Variants in FHIT observed in about 807,000 individuals in gnomAD.
The protein encoded by FHIT is fragile histidine triad diadenosine triphosphatase.
A neutral mutation model predicts 17.9 loss-of-function variants in FHIT; 19 were observed. The observed-to-expected ratio is 1.06, with a 90% CI of 0.74 to 1.56. The LOEUF (loss-of-function observed/expected upper bound fraction) is 1.56. Ranked by LOEUF, FHIT falls within the 40% of genes most tolerant of loss-of-function variation. The pLI, the probability that FHIT is intolerant of heterozygous loss-of-function variation, is 0.00. For synonymous variants in FHIT, 81 were observed against 69.7 expected, an observed-to-expected ratio of 1.16 and a Z score of -0.81; for missense variants, 248 against 189.2, an observed-to-expected ratio of 1.31 and a Z score of -1.82.
intron 8 of FHIT, among the ~76,000 whole-genome samples, chr3:59,828,650 C>G (rs1276471951): frequency 6.6e-6 from 1 of 152,170 alleles, no homozygotes; most frequent in Non-Finnish European, 1.5e-5. Context: ...AATCTTTGAG[C>G]CAAGAAAATT....
intron 4 of FHIT, among the ~76,000 whole-genome samples, chr3:60,741,319 G>T (rs1553713811): frequency 6.6e-6 from 1 of 152,134 alleles, no homozygotes; most frequent in African/African-American, 2.4e-5. Flanking sequence ...TTTGACAGTG[G>T]ATCTGACCCT....
intron 3 of FHIT, among the ~76,000 whole-genome samples, chr3:60,955,997 T>C (rs1709136443): frequency 6.6e-6 from 1 of 152,176 alleles, no homozygotes; most frequent in Non-Finnish European, 1.5e-5. Context: ...AATTCAAGAA[T>C]AGATACAACT....
intron 5 of FHIT, among the ~76,000 whole-genome samples, chr3:60,086,869 G>A (rs1703516116): frequency 6.6e-6 from 1 of 152,158 alleles, no homozygotes. Context: ...GCTGCTGCTG[G>A]TGGCTGTATA....
intron 1 of FHIT, among the ~76,000 whole-genome samples, chr3:61,207,303 A>G (rs551052818): frequency 0.019 from 2,842 of 151,910 alleles, 79 homozygotes; most frequent in African/African-American, 0.065. Flanking sequence ...GTCTCTGCCC[A>G]GCTTTGGTAT....
At chr3:60,505,114 G>C (rs79687992) in intron 5 of FHIT, among the ~76,000 whole-genome samples, 1 of 151,928 alleles carries the variant, frequency 6.6e-6, no homozygotes, top group Admixed American at 6.6e-5. Flanking sequence ...TGTAAAAACA[G>C]AAAAAAACAA....
intron 8 of FHIT, among the ~76,000 whole-genome samples, chr3:59,829,440 G>C (rs554066490): frequency 6.6e-6 from 1 of 152,166 alleles, no homozygotes; most frequent in South Asian, 2.1e-4. Context: ...TTCAAAATTA[G>C]ATCTGTGGGA....
chr3:60,991,611 G>A (rs2030224223), intron 3 of FHIT, among the ~76,000 whole-genome samples: 1 of 152,140 alleles, frequency 6.6e-6, no homozygotes. Context: ...ACCTAGGTTT[G>A]AATCCTTGCT....
chr3:61,227,012 A>G (rs2039987813), intron 1 of FHIT, among the ~76,000 whole-genome samples: 1 of 152,214 alleles, frequency 6.6e-6, no homozygotes, highest in Non-Finnish European at 1.5e-5. Flanking sequence ...GTACTAAAAG[A>G]GCTTACAATA....
chr3:60,719,341 C>G (rs2041758140), intron 4 of FHIT, among the ~76,000 whole-genome samples: 1 of 152,124 alleles, frequency 6.6e-6, no homozygotes, highest in South Asian at 2.1e-4. Flanking sequence ...TATCCCAAAA[C>G]CATACCATAA....
intron 8 of FHIT, among the ~76,000 whole-genome samples, chr3:59,810,500 G>A (rs567370226): frequency 1.3e-5 from 2 of 152,294 alleles, no homozygotes; most frequent in East Asian, 3.9e-4. Context: ...TTTGCCACAT[G>A]GTTTACAATA....
chr3:59,767,429 G>A (rs1388217316), intron 8 of FHIT, among the ~76,000 whole-genome samples: 1 of 152,138 alleles, frequency 6.6e-6, no homozygotes, highest in Non-Finnish European at 1.5e-5. Flanking sequence ...AACCCGGGAG[G>A]TGAATGTTGC....
At chr3:60,572,288 A>G (rs748926972) in intron 4 of FHIT, among the ~76,000 whole-genome samples, 10 of 150,920 alleles carry the variant, frequency 6.6e-5, no homozygotes, top group Admixed American at 1.3e-4. Context: ...ACATATATTT[A>G]TAATTCCTTC....
At chr3:61,129,440 G>C (rs546283272) in intron 2 of FHIT, among the ~76,000 whole-genome samples, 1 of 152,316 alleles carries the variant, frequency 6.6e-6, no homozygotes, top group East Asian at 1.9e-4. Context: ...GTAAATGGAT[G>C]AATAGTTGGA....
chr3:59,798,166 A>G (rs1406091149), intron 8 of FHIT, among the ~76,000 whole-genome samples: 1 of 152,166 alleles, frequency 6.6e-6, no homozygotes, highest in Non-Finnish European at 1.5e-5. Flanking sequence ...GGCTGGTAGT[A>G]TTTCATCTAG....
intron 4 of FHIT, among the ~76,000 whole-genome samples, chr3:60,645,492 TAC>T (rs1342161963): frequency 5.3e-5 from 8 of 152,292 alleles, no homozygotes; most frequent in African/African-American, 1.9e-4. Flanking sequence ...TACAAGATAG[TAC>T]ACTCTACTTT....
At chr3:60,459,460 C>A (rs1382420797) in intron 5 of FHIT, among the ~76,000 whole-genome samples, 1 of 152,196 alleles carries the variant, frequency 6.6e-6, no homozygotes, top group African/African-American at 2.4e-5. Context: ...AGATAAATTA[C>A]AGCACCTCTT....
chr3:60,500,257 A>G (rs1235931730), intron 5 of FHIT, among the ~76,000 whole-genome samples: 3 of 152,210 alleles, frequency 2.0e-5, no homozygotes, highest in African/African-American at 7.2e-5. Context: ...TGTAGTTACA[A>G]CAGAGACCAC....
chr3:61,104,892 T>C (rs936430610), intron 2 of FHIT, among the ~76,000 whole-genome samples: 2 of 152,300 alleles, frequency 1.3e-5, no homozygotes, highest in Non-Finnish European at 2.9e-5. Flanking sequence ...ATGAAATTAC[T>C]ATAGTGTATT....
intron 4 of FHIT, among the ~76,000 whole-genome samples, chr3:60,603,515 G>A (rs2038509718): frequency 6.9e-6 from 1 of 145,134 alleles, no homozygotes; most frequent in African/African-American, 2.6e-5. Flanking sequence ...TCTCGGTGGT[G>A]GGATTTAGGG....
Sources: gnomAD v4.1 joint callset for allele counts (sites outside exome capture counted in the v4.1 genomes callset) on GRCh38, gnomAD v4.1.1 for gene constraint, MANE v1.5 for transcripts, NCBI Gene and HGNC (gene_info 2026-07-23, HGNC 2026-07-21) for gene names.